RYR2: variants seen among roughly 807,000 people sequenced by gnomAD.
RYR2 encodes the protein cardiac muscle ryanodine receptor-calcium release channel.
A neutral mutation model predicts 601.1 loss-of-function variants in RYR2; 227 were observed. The ratio of observed to expected loss-of-function variants is 0.38; its 90% CI spans 0.34 to 0.42. RYR2 has a LOEUF of 0.42. Among genes scored for constraint, RYR2 ranks in the 10% least tolerant of loss-of-function variants. The pLI is 1.00. For missense variants in RYR2, 4,646 were observed against 6,156.5 expected (o/e 0.75, Z 8.21); for synonymous variants, 2,223 against 2,175.1 (o/e 1.02, Z -0.61).
intron 8 of RYR2, among the ~76,000 whole-genome samples, chr1:237,387,042 G>A (rs573504187): frequency 6.6e-6 from 1 of 152,288 alleles, no homozygotes; most frequent in South Asian, 2.1e-4. Context: ...ATTCATTTAT[G>A]CATATTTTGA....
chr1:237,589,259 A>C (rs556861065), intron 29 of RYR2, among the ~76,000 whole-genome samples: 2 of 152,320 alleles, frequency 1.3e-5, no homozygotes, highest in East Asian at 3.9e-4. Context: ...AGCAACTATT[A>C]GTAGATGGAA....
At chr1:237,775,374 T>C (rs1694583921) in intron 87 of RYR2, among the ~76,000 whole-genome samples, 1 of 152,190 alleles carries the variant, frequency 6.6e-6, no homozygotes, top group African/African-American at 2.4e-5. Flanking sequence ...ATTCACGTTA[T>C]TTGTTTTTTA....
intron 41 of RYR2, among the ~76,000 whole-genome samples, chr1:237,628,839 T>C (rs1679956461): frequency 6.6e-6 from 1 of 151,984 alleles, no homozygotes; most frequent in African/African-American, 2.4e-5. Flanking sequence ...GTTGGAAATA[T>C]GAACAGGAAA....
At chr1:237,697,629 T>C (rs1687611808) in intron 63 of RYR2, among the ~76,000 whole-genome samples, 1 of 150,204 alleles carries the variant, frequency 6.7e-6, no homozygotes, top group Non-Finnish European at 1.5e-5. Context: ...TGATTCGTTA[T>C]CTATATCCCC....
chr1:237,148,521 A>ATATATATATATATATATAT (rs1417305977), intron 1 of RYR2, among the ~76,000 whole-genome samples: 1 of 44,004 alleles, frequency 2.3e-5, no homozygotes, highest in African/African-American at 7.1e-5. Context: ...CAAGTAAAAA[A>ATATATATATATATATATAT]AAAAAAATAT....
intron 2 of RYR2, among the ~76,000 whole-genome samples, chr1:237,286,419 A>C (rs1432208965): frequency 2.0e-5 from 3 of 151,426 alleles, no homozygotes. Context: ...AAATTTATTG[A>C]GCCTTGTTTT....
intron 29 of RYR2, among the ~76,000 whole-genome samples, chr1:237,572,045 C>G (rs1046025185): frequency 6.6e-6 from 1 of 152,142 alleles, no homozygotes; most frequent in Non-Finnish European, 1.5e-5. Context: ...AGGTCTTATT[C>G]ATTTTTTCTA....
At chr1:237,802,981 G>C (rs1303209169) in intron 98 of RYR2, among the ~76,000 whole-genome samples, 1 of 152,284 alleles carries the variant, frequency 6.6e-6, no homozygotes, top group Admixed American at 6.5e-5. Flanking sequence ...CATGGCTTCT[G>C]TTTGGCCAAT....
chr1:237,342,807 AC>A (rs1697943144), intron 3 of RYR2, among the ~76,000 whole-genome samples: 1 of 152,220 alleles, frequency 6.6e-6, no homozygotes, highest in Non-Finnish European at 1.5e-5. Flanking sequence ...CAGCAAGAAC[AC>A]ACAGAATGGG....
intron 1 of RYR2, among the ~76,000 whole-genome samples, chr1:237,207,024 C>T (rs569423934): frequency 6.6e-6 from 1 of 152,034 alleles, no homozygotes; most frequent in South Asian, 2.1e-4. Context: ...CTCTAAAATT[C>T]AGGTGATGCT....
At chr1:237,292,352 T>C (rs895374328) in intron 2 of RYR2, among the ~76,000 whole-genome samples, 5 of 152,174 alleles carry the variant, frequency 3.3e-5, no homozygotes, top group African/African-American at 9.6e-5. Flanking sequence ...GCAAAATAGG[T>C]ACAAAATATT....
intron 88 of RYR2, 112 bp downstream of exon 88, chr1:237,778,882 T>TATC: frequency 1.8e-6 from 1 of 556,214 alleles, no homozygotes; most frequent in Non-Finnish European, 3.3e-6. Context: ...AAAATCACTT[T>TATC]ATCACTTGTC....
intron 2 of RYR2, among the ~76,000 whole-genome samples, chr1:237,328,136 G>C (rs1396766583): frequency 6.6e-6 from 1 of 152,156 alleles, no homozygotes; most frequent in Non-Finnish European, 1.5e-5. Flanking sequence ...ATGGGCAAAT[G>C]CTACAAATCA....
chr1:237,442,602 A>G (rs1173427882), intron 13 of RYR2, among the ~76,000 whole-genome samples: 1 of 152,210 alleles, frequency 6.6e-6, no homozygotes, highest in Non-Finnish European at 1.5e-5. Flanking sequence ...ATCAGGATGC[A>G]ATCAAAATTC....
intron 1 of RYR2, among the ~76,000 whole-genome samples, chr1:237,085,952 A>G (rs950137658): frequency 1.1e-4 from 17 of 152,138 alleles, no homozygotes; most frequent in Non-Finnish European, 1.5e-5. Flanking sequence ...ATGGGGTTTC[A>G]CCATGTTGCC....
chr1:237,350,296 C>A (rs928559800), intron 3 of RYR2, among the ~76,000 whole-genome samples: 15 of 151,790 alleles, frequency 9.9e-5, no homozygotes, highest in African/African-American at 3.6e-4. Context: ...GAGAAAAGGG[C>A]TGGGCGCTGT....
chr1:237,727,181 C>T lies in RYR2; in HGVS notation c.10820C>T (p.Pro3607Leu). Residue 3607 changes from proline (P) to leucine (L), a missense_variant, in exon 76 of 105, where the codon CCC (proline) becomes CTC (leucine). Around this residue, in one of 17 missense-constraint regions of RYR2, gnomAD observed 1,497 missense variants for 1,842.6 expected, o/e 0.81. Coordinates refer to ENST00000366574, the MANE Select transcript of RYR2 (RefSeq NM_001035.3). The stretch of plus-strand genomic sequence containing the variant: ...GTTGTAGCCTGCTTCCGGATGGCCC[C>T]CTTATATAATCTGCCAAGGTCGGAA... Reference protein sequence around the residue: ...RAVVACFRMAPLYNLPRHRAV... With the variant: ...RAVVACFRMALLYNLPRHRAV... The T allele has an allele frequency of 1.3e-6, 2 of 1,548,890 alleles. No homozygotes were observed. The highest frequency in any genetic ancestry group is 1.2e-5 in the South Asian group (1 of 81,708).
chr1:237,375,011 A>T (rs1700911534), intron 7 of RYR2, among the ~76,000 whole-genome samples: 1 of 152,152 alleles, frequency 6.6e-6, no homozygotes, highest in Admixed American at 6.5e-5. Context: ...TAGGCTTCAA[A>T]CCTTATTCTT....
chr1:237,504,015 T>A lies in RYR2; in HGVS notation c.2613+510T>A, dbSNP rs528553938. 4.6e-5 allele frequency among the ~76,000 whole-genome samples: 7 copies of A among 152,314 alleles called. No homozygotes were observed. The South Asian group carries it at 1.2e-3, about 27-fold the overall frequency. ...TAGCCACTGTGCCTGGCCTCTATTC[T>A]ATGTTTTAAGTAGTTTTCCCAACCC... On this transcript the variant is annotated intron_variant, in intron 22 of 104. Transcript: ENST00000366574.
Sources: gnomAD v4.1 joint callset for allele counts (sites outside exome capture counted in the v4.1 genomes callset) on GRCh38, gnomAD v4.1.1 for gene constraint, gnomAD v4.1.1 regional missense constraint, MANE v1.5 for transcripts, NCBI Gene and HGNC (gene_info 2026-07-23, HGNC 2026-07-21) for gene names.